The following GALC variants were observed in gnomAD, a reference collection of about 807,000 sequenced individuals.
GALC encodes galactocerebrosidase.
A neutral mutation model predicts 91.8 loss-of-function variants in GALC; 77 were observed. That is an observed-to-expected ratio of 0.84 (90% CI 0.70 to 1.01). The LOEUF (loss-of-function observed/expected upper bound fraction) is 1.01. GALC is among the 50% of genes least tolerant of loss of function. The pLI is 0.00. For missense variants in GALC, 882 were observed against 855.9 expected, an observed-to-expected ratio of 1.03 and a Z score of -0.38; for synonymous variants, 357 against 306.7, an observed-to-expected ratio of 1.16 and a Z score of -1.71.
At chr14:87,974,285 G>GAA (rs1886408256) in intron 7 of GALC, among the ~76,000 whole-genome samples, 1 of 152,218 alleles carries the variant, frequency 6.6e-6, no homozygotes, top group East Asian at 1.9e-4. Context: ...CTAATGAAAA[G>GAA]AAAGCATAGA....
chr14:87,969,500 T>C (rs1254036973), intron 7 of GALC, among the ~76,000 whole-genome samples: 2 of 152,010 alleles, frequency 1.3e-5, no homozygotes, highest in African/African-American at 4.8e-5. Context: ...AACAATAAAT[T>C]TTAAATGTAA....
At position 87,986,605 on chromosome 14, in the gene GALC, G is replaced by A; in HGVS notation, c.329-3C>T. On this transcript the variant is annotated splice_polypyrimidine_tract_variant and splice_region_variant and intron_variant, in intron 3 of 16. Transcript: ENST00000261304. ...CATGTGGGAGGGCTCAGTGCCGTCTGAATAGAGGAGAGCAAAAACGGAAGT... is the reference window on the plus strand; with the variant it reads ...CATGTGGGAGGGCTCAGTGCCGTCTAAATAGAGGAGAGCAAAAACGGAAGT... 6.3e-7 allele frequency: 1 copy of A among 1,586,912 alleles called. No homozygotes were observed. The highest frequency in any genetic ancestry group is 8.7e-7 in the Non-Finnish European group (1 of 1,155,554).
chr14:87,974,390 A>G (rs967080168), intron 7 of GALC, among the ~76,000 whole-genome samples: 3 of 152,234 alleles, frequency 2.0e-5, no homozygotes, highest in African/African-American at 7.2e-5. Flanking sequence ...ATCATAATGA[A>G]GATAAAACAT....
intron 14 of GALC, among the ~76,000 whole-genome samples, chr14:87,943,587 T>G (rs417504): frequency 0.96 from 145,561 of 152,074 alleles, 69,960 homozygotes; most frequent in Non-Finnish European, 1. Context: ...TTCTAGCCCT[T>G]GTTCTGCCAC....
At chr14:87,946,992 A>G (rs1885098890) in intron 13 of GALC, among the ~76,000 whole-genome samples, 1 of 151,884 alleles carries the variant, frequency 6.6e-6, no homozygotes, top group Non-Finnish European at 1.5e-5. Flanking sequence ...AGCAAACAGG[A>G]GCTTCAAGTG....
chr14:87,934,317 A>C lies in GALC; in HGVS notation c.*415T>G, dbSNP rs1415917477. 7.8e-7 allele frequency: 1 copy of C among 1,283,032 alleles called. No homozygotes were observed. The allele number at this position is 1,283,032 out of a possible 1,614,324, so 79.5% of individuals were successfully genotyped here. ...GGCAGCATCATCTTGTGATGAAGAC[A>C]CTGGCTCACTTGGACACACGGTCAG... On this transcript the variant is annotated 3_prime_UTR_variant, in exon 17 of 17. Coordinates refer to ENST00000261304, the MANE Select transcript of GALC (RefSeq NM_000153.4).
chr14:87,942,663 CT>C (rs1884910100), intron 14 of GALC, among the ~76,000 whole-genome samples: 1 of 151,990 alleles, frequency 6.6e-6, no homozygotes, highest in Non-Finnish European at 1.5e-5. Context: ...GGAATGAGAT[CT>C]AGAATTATGT....
intron 14 of GALC, among the ~76,000 whole-genome samples, chr14:87,942,211 C>A (rs76736242): frequency 0.032 from 4,796 of 152,102 alleles, 129 homozygotes; most frequent in Non-Finnish European, 0.048. Context: ...ACATCTGGGG[C>A]AGCCCCTTGA....
intron 6 of GALC, among the ~76,000 whole-genome samples, chr14:87,980,153 C>A (rs1329833229): frequency 6.6e-6 from 1 of 152,054 alleles, no homozygotes; most frequent in African/African-American, 2.4e-5. Context: ...GAGGCCGAGG[C>A]GGGCGGATCA....
At chr14:87,978,408 G>A (rs55808324) in intron 6 of GALC, among the ~76,000 whole-genome samples, 28,051 of 152,024 alleles carry the variant, frequency 0.18, 3,728 homozygotes, top group African/African-American at 0.37. Context: ...TTTTCACTAC[G>A]GATGGATCTA....
intron 10 of GALC, chr14:87,955,252 AT>A (rs1885480294): frequency 1.2e-6 from 1 of 864,222 alleles, no homozygotes; most frequent in Admixed American, 1.8e-5. Flanking sequence ...TACTGAAATG[AT>A]TTGTCTTTTG....
At chr14:87,942,714 A>G (rs920689744) in intron 14 of GALC, among the ~76,000 whole-genome samples, 39 of 152,158 alleles carry the variant, frequency 2.6e-4, no homozygotes, top group Middle Eastern at 3.4e-3. Context: ...AATTTTGCAC[A>G]GTGAAATTTT....
chr14:87,943,256 A>G lies in GALC; in HGVS notation c.1671-1698T>C, dbSNP rs114222385. ...GTTCATCTGTGTGCAGGGAAAGGTA[A>G]TTTTGTGATTGTCTTTAAAGGATTC... is the stretch of plus-strand genomic sequence containing the variant. On this transcript the variant is annotated intron_variant, in intron 14 of 16. Coordinates refer to ENST00000261304, the MANE Select transcript of GALC (RefSeq NM_000153.4). Among the ~76,000 whole-genome samples, 676 of 152,134 alleles carry G rather than the reference A, an allele frequency of 4.4e-3. 4 individuals are homozygous for G. The highest frequency in any genetic ancestry group is 0.015 in the African/African-American group (641 of 41,538).
At chr14:87,993,260 G>T (rs1887317832), upstream of GALC, 2 of 1,539,326 alleles carry the variant, frequency 1.3e-6, no homozygotes, top group African/African-American at 1.4e-5. Context: ...CGCCGCCGCC[G>T]CCATTTTGAG....
rs1886780825 is a variant in GALC at position 87,982,229 on chromosome 14, C to A, written c.597G>T (p.Arg199Ser). The change falls in exon 6 of 17, where the codon AGG becomes AGT. Residue 199 changes from arginine (R) to serine (S), a missense_variant. Transcript: ENST00000261304. ...DIDYIGIWNE[R>S]SYNANYIKIL... ...CCTTAATATAATTGGCATTATATGACCTCTCATTCCAAATCTGCAAAACAA... is the reference window on the plus strand; with the variant it reads ...CCTTAATATAATTGGCATTATATGAACTCTCATTCCAAATCTGCAAAACAA... 3 of 1,582,474 alleles carry A rather than the reference C, an allele frequency of 1.9e-6. No homozygotes were observed. Among genetic ancestry groups the A allele is most frequent in the Non-Finnish European group, 2.6e-6 (3 of 1,152,358 alleles).
chr14:87,953,344 A>C (rs1366212352), intron 10 of GALC: 10 of 1,421,722 alleles, frequency 7.0e-6, no homozygotes, highest in African/African-American at 1.4e-5. Flanking sequence ...GAAGATAAGA[A>C]TATCTGAAGA....
intron 9 of GALC, among the ~76,000 whole-genome samples, chr14:87,965,004 A>T (rs770502800): frequency 6.6e-6 from 1 of 152,162 alleles, no homozygotes; most frequent in Admixed American, 6.6e-5. Context: ...GGACAATATA[A>T]AGCCATATTT....
intron 16 of GALC, among the ~76,000 whole-genome samples, chr14:87,939,471 C>A (rs1884737721): frequency 6.6e-6 from 1 of 151,858 alleles, no homozygotes; most frequent in South Asian, 2.1e-4. Flanking sequence ...GGTATTTTCT[C>A]TGACTAAAAT....
At chr14:87,944,926 G>A (rs1046018248) in intron 14 of GALC, among the ~76,000 whole-genome samples, 3 of 151,830 alleles carry the variant, frequency 2.0e-5, no homozygotes, top group Non-Finnish European at 2.9e-5. Flanking sequence ...AGGAAAAAAT[G>A]AAAAAGAAAC....
Sources: gnomAD v4.1 joint callset for allele counts (sites outside exome capture counted in the v4.1 genomes callset) on GRCh38, gnomAD v4.1.1 for gene constraint, MANE v1.5 for transcripts, NCBI Gene and HGNC (gene_info 2026-07-23, HGNC 2026-07-21) for gene names.